TCF20: variants seen among roughly 807,000 people sequenced by gnomAD.
The protein encoded by TCF20 is SPRE-binding protein.
Under a neutral mutation model 148.6 loss-of-function variants are expected in TCF20, and 3 were observed. That is an observed-to-expected ratio of 0.02 (90% confidence interval 0.01 to 0.05). TCF20 has a LOEUF of 0.05. TCF20 is among the 10% of genes least tolerant of loss of function. The pLI is 1.00. For synonymous variants in TCF20, 1,049 were observed against 909.5 expected (o/e 1.15, Z -2.76); for missense variants, 2,350 against 2,429.3 (o/e 0.97, Z 0.69).
chr22:42,342,223 A>G (rs948912738), intron 1 of TCF20, among the ~76,000 whole-genome samples: 3 of 151,746 alleles, frequency 2.0e-5, no homozygotes, highest in Non-Finnish European at 4.4e-5. Flanking sequence ...TGGCGTCCCA[A>G]TGGACAGTCA....
intron 2 of TCF20, among the ~76,000 whole-genome samples, chr22:42,202,500 T>A (rs1938101915): frequency 1.3e-5 from 2 of 152,334 alleles, no homozygotes; most frequent in East Asian, 3.9e-4. Context: ...TGAAGCAGTG[T>A]GACTCTGGGG....
chr22:42,165,152 G>C (rs995664582), intron 5 of TCF20, among the ~76,000 whole-genome samples: 2 of 152,234 alleles, frequency 1.3e-5, no homozygotes, highest in African/African-American at 4.8e-5. Flanking sequence ...CTCTCCTCTG[G>C]AGGTGTAACC....
chr22:42,187,854 G>GGA (rs1362693255), intron 2 of TCF20, among the ~76,000 whole-genome samples: 3 of 152,130 alleles, frequency 2.0e-5, no homozygotes, highest in African/African-American at 7.2e-5. Context: ...AATACACACA[G>GGA]CTTTATACAA....
At chr22:42,328,193 C>A (rs568650267) in intron 1 of TCF20, among the ~76,000 whole-genome samples, 2 of 152,098 alleles carry the variant, frequency 1.3e-5, no homozygotes. Context: ...GCTCTCTACT[C>A]GGGAGAACCA....
At chr22:42,237,406 T>C (rs1444808893) in intron 1 of TCF20, among the ~76,000 whole-genome samples, 4 of 152,190 alleles carry the variant, frequency 2.6e-5, no homozygotes, top group Non-Finnish European at 5.9e-5. Context: ...TCGAGTTCTC[T>C]TGCTATTTCT....
At chr22:42,235,592 G>A (rs976983566) in intron 1 of TCF20, among the ~76,000 whole-genome samples, 2 of 152,174 alleles carry the variant, frequency 1.3e-5, no homozygotes, top group African/African-American at 4.8e-5. Context: ...ACATACAATT[G>A]CTTCCACTAT....
At chr22:42,199,533 T>G (rs1326138726) in intron 2 of TCF20, among the ~76,000 whole-genome samples, 1 of 151,962 alleles carries the variant, frequency 6.6e-6, no homozygotes, top group Non-Finnish European at 1.5e-5. Context: ...AATACAGTCT[T>G]GGTTTTTCAC....
At chr22:42,314,652 G>C (rs1042766106) in intron 1 of TCF20, among the ~76,000 whole-genome samples, 2 of 152,234 alleles carry the variant, frequency 1.3e-5, no homozygotes, top group African/African-American at 4.8e-5. Context: ...GGAGAACAGG[G>C]GGTCCTGCCC....
At chr22:42,249,218 C>T (rs959193510) in intron 1 of TCF20, among the ~76,000 whole-genome samples, 1 of 152,218 alleles carries the variant, frequency 6.6e-6, no homozygotes, top group African/African-American at 2.4e-5. Context: ...CCATTAGCTT[C>T]CCTGGTTCTG....
chr22:42,343,375 C>T (rs1289947236), intron 1 of TCF20: 1 of 152,152 alleles, frequency 6.6e-6, no homozygotes, highest in Non-Finnish European at 1.5e-5. Context: ...CCAGAGGGAA[C>T]TTGAGACGCC....
At chr22:42,326,025 C>T (rs1485952662) in intron 1 of TCF20, among the ~76,000 whole-genome samples, 1 of 152,130 alleles carries the variant, frequency 6.6e-6, no homozygotes, top group Non-Finnish European at 1.5e-5. Context: ...CCTAAGGCCC[C>T]CTTTCAAGAC....
intron 1 of TCF20, among the ~76,000 whole-genome samples, chr22:42,310,237 A>G (rs1927509170): frequency 6.6e-6 from 1 of 152,238 alleles, no homozygotes; most frequent in Non-Finnish European, 1.5e-5. Context: ...GGAAATGGAA[A>G]GTGTTTAATT....
chr22:42,231,157 G>A (rs541839074), intron 1 of TCF20, among the ~76,000 whole-genome samples: 2 of 152,170 alleles, frequency 1.3e-5, no homozygotes, highest in African/African-American at 4.8e-5. Flanking sequence ...GCAAGACTCT[G>A]TCTCAAATAA....
At chr22:42,278,670 C>T (rs548279651) in intron 1 of TCF20, 1 of 152,406 alleles carries the variant, frequency 6.6e-6, no homozygotes, top group African/African-American at 2.4e-5. Context: ...AAGGCTGATT[C>T]AAGAGGCCGA....
At chr22:42,176,227 T>C (rs1447736977) in intron 3 of TCF20, among the ~76,000 whole-genome samples, 1 of 152,252 alleles carries the variant, frequency 6.6e-6, no homozygotes, top group East Asian at 1.9e-4. Flanking sequence ...TTATCTTCTC[T>C]ACCTCTCTTG....
In TCF20 at chr22:42,280,985, C is replaced by T. The variant is rs57622354; in HGVS notation, c.-37+2842G>A. ...GAACCCAGGCAGTCTGGCCTCAGGACGTTGGCCACCCCTCTGTGCTGCCAT... is the reference window on the plus strand; with the variant it reads ...GAACCCAGGCAGTCTGGCCTCAGGATGTTGGCCACCCCTCTGTGCTGCCAT... On this transcript the variant is annotated intron_variant, in intron 1 of 5. Transcript: ENST00000359486. Among the ~76,000 whole-genome samples, 516 of 152,234 alleles carry T rather than the reference C, an allele frequency of 3.4e-3. 1 individual carries two copies. The highest frequency in any genetic ancestry group is 0.012 in the African/African-American group (494 of 41,536).
At chr22:42,318,731 G>A (rs1270355353) in intron 1 of TCF20, among the ~76,000 whole-genome samples, 1 of 152,208 alleles carries the variant, frequency 6.6e-6, no homozygotes, top group African/African-American at 2.4e-5. Flanking sequence ...GGCTTATGAG[G>A]GCACTGCTGT....
intron 1 of TCF20, among the ~76,000 whole-genome samples, chr22:42,224,476 T>A (rs188859077): frequency 0.015 from 1,736 of 116,834 alleles, 32 homozygotes; most frequent in African/African-American, 0.051. Context: ...AAAAAAAAAA[T>A]TTCCTAAAAA....
At chr22:42,288,876 G>A (rs1187894781), upstream of TCF20, among the ~76,000 whole-genome samples, 3 of 152,222 alleles carry the variant, frequency 2.0e-5, no homozygotes, top group Admixed American at 6.5e-5. Flanking sequence ...CCCAAGGGCA[G>A]TGCAGGCCTG....
Sources: gnomAD v4.1 joint callset for allele counts (sites outside exome capture counted in the v4.1 genomes callset) on GRCh38, gnomAD v4.1.1 for gene constraint, MANE v1.5 for transcripts, NCBI Gene and HGNC (gene_info 2026-07-23, HGNC 2026-07-21) for gene names.